The following MBOAT7 variants were observed in gnomAD, a reference collection of about 807,000 sequenced individuals.
MBOAT7 encodes membrane bound acylglycerophosphatidylinositol O-acyltransferase MBOAT7, also known as membrane-bound acylglycerophosphatidylinositol O-acyltransferase MBOAT7.
In MBOAT7, 40 loss-of-function variants were observed where a neutral mutation model predicts 47.4. The observed-to-expected ratio is 0.84, with a 90% CI of 0.66 to 1.10. The LOEUF is 1.10. Ranked by LOEUF, MBOAT7 falls within the 50% of genes least tolerant of loss-of-function variation. MBOAT7 has a pLI of 0.00. For missense variants in MBOAT7, 680 were observed against 655.6 expected, an observed-to-expected ratio of 1.04 and a Z score of -0.41; for synonymous variants, 361 against 292.0, an observed-to-expected ratio of 1.24 and a Z score of -2.41.
At position 54,181,223 on chromosome 19, in the gene MBOAT7, G is replaced by A. The variant is rs151304569; in HGVS notation, c.494-90C>T. 1.5e-5 allele frequency: 21 copies of A among 1,408,834 alleles called. No individual in the cohort carries two copies. In the African/African-American group the frequency reaches 2.3e-4, roughly 16 times the overall value. The allele number at this position is 1,408,834 out of a possible 1,614,324, so 87.3% of individuals were successfully genotyped here. On this transcript the variant is annotated intron_variant, in intron 5 of 7. Coordinates refer to ENST00000245615, the MANE Select transcript of MBOAT7 (RefSeq NM_024298.5). Reference sequence around the variant, plus strand: ...GGAGGACAGGGAGCTTGGAAGGAAGGTGGGAAGAGGGAGTGAGAGGGGCAG... The same window carrying A: ...GGAGGACAGGGAGCTTGGAAGGAAGATGGGAAGAGGGAGTGAGAGGGGCAG...
intron 3 of MBOAT7, 145 bp downstream of exon 3, chr19:54,188,071 CA>C: frequency 2.0e-6 from 1 of 512,634 alleles, no homozygotes; most frequent in Non-Finnish European, 3.1e-6. Context: ...GAAAGAAAGA[CA>C]AACAAACAAA....
At chr19:54,184,694 G>A (rs2076382443) in intron 4 of MBOAT7, among the ~76,000 whole-genome samples, 1 of 152,058 alleles carries the variant, frequency 6.6e-6, no homozygotes, top group African/African-American at 2.4e-5. Flanking sequence ...CCTGAGGTCG[G>A]GAGTTCGAGA....
chr19:54,187,073 C>T (rs560275309), intron 4 of MBOAT7, 88 bp downstream of exon 4: 14 of 1,457,896 alleles, frequency 9.6e-6, no homozygotes, highest in African/African-American at 5.6e-5. Context: ...GAGGTAAAAT[C>T]CCGGGGAGCC....
At chr19:54,185,577 C>T (rs537402589) in intron 4 of MBOAT7, among the ~76,000 whole-genome samples, 2 of 152,338 alleles carry the variant, frequency 1.3e-5, no homozygotes, top group South Asian at 4.1e-4. Context: ...CTGTATCAAG[C>T]CACCACAGTT....
chr19:54,188,592 C>A, intron 1 of MBOAT7, 81 bp from the exon 2 acceptor site: 1 of 1,398,028 alleles, frequency 7.2e-7, no homozygotes, highest in Non-Finnish European at 9.7e-7. Context: ...ATCCAGGAAC[C>A]CAGCCTTCTA....
At chr19:54,184,668 C>T (rs1007781793) in intron 4 of MBOAT7, among the ~76,000 whole-genome samples, 24 of 151,942 alleles carry the variant, frequency 1.6e-4, no homozygotes, top group African/African-American at 4.8e-4. Context: ...TTTGGGAGGC[C>T]GAGGCAGGCG....
rs767251313 is a variant in MBOAT7, at chr19:54,183,613, A to C, written c.401T>G (p.Phe134Cys). 2 of 1,607,466 alleles carry C rather than the reference A, an allele frequency of 1.2e-6. No individual in the cohort carries two copies. Among genetic ancestry groups the C allele is most frequent in the African/African-American group, 2.7e-5 (2 of 74,636 alleles). ...CAGCCCCAGGGTGGGCCCCTTGCTG[A>C]AGCCTGAGGCCATTTCCTTCCTCTG... is the stretch of plus-strand genomic sequence containing the variant. The part of the protein sequence containing the change: ...LAQRKEMASG[F>C]SKGPTLGLLP... The change falls in exon 5 of 8, where the codon TTC becomes TGC. Residue 134 changes from phenylalanine to cysteine, a missense_variant. Coordinates refer to ENST00000245615, the MANE Select transcript of MBOAT7 (RefSeq NM_024298.5).
In MBOAT7 at chr19:54,174,192, C is replaced by T. The variant is rs775218388; in HGVS notation, c.1271G>A (p.Arg424Gln). The T allele has an allele frequency of 1.9e-5, 30 of 1,599,760 alleles. No homozygotes were observed. Among genetic ancestry groups the T allele is most frequent in the East Asian group, 4.5e-5 (2 of 44,390 alleles). The change falls in exon 8 of 8, where the codon CGG becomes CAG. Residue 424 changes from arginine to glutamine, a missense_variant. Arg to Gln is a conservative substitution (Grantham distance 43). Coordinates refer to ENST00000245615, the MANE Select transcript of MBOAT7 (RefSeq NM_024298.5). Reference protein sequence around the residue: ...FVLLSLADTLRYWASIYFCIH... With the variant: ...FVLLSLADTLQYWASIYFCIH... ...ACAGAAGTAGATGGAGGCCCAGTAC[C>T]GAAGGGTGTCGGCCAAGGAGAGCAG...
Position 54,178,035 on chromosome 19 carries a change from C to T in MBOAT7, c.1031+730G>A, listed in dbSNP as rs2076161159. Among the ~76,000 whole-genome samples, 5 of 151,362 alleles carry T rather than the reference C, an allele frequency of 3.3e-5. No homozygotes were observed. The South Asian group carries it at 6.3e-4, about 19-fold the overall frequency. ...AAGCCATTCTCCTGCCTCAGCCTCC[C>T]GAGTAGCTGGGACTACAGGCGCCCA... On this transcript the variant is annotated intron_variant, in intron 7 of 7. Transcript: ENST00000245615.
At chr19:54,187,434 G>A (rs753181521) in intron 3 of MBOAT7, 147 bp from the exon 4 acceptor site, 1 of 979,566 alleles carries the variant, frequency 1.0e-6, no homozygotes, top group Non-Finnish European at 1.5e-6. Context: ...ACAGGAGGGT[G>A]GATGTAGGGA....
At chr19:54,184,996 T>C (rs1351050386) in intron 4 of MBOAT7, among the ~76,000 whole-genome samples, 1 of 151,208 alleles carries the variant, frequency 6.6e-6, no homozygotes, top group African/African-American at 2.4e-5. Context: ...GATCACTTGA[T>C]GTCAGGGGTT....
chr19:54,185,683 TTTTC>T (rs974027809), intron 4 of MBOAT7, among the ~76,000 whole-genome samples: 1 of 149,494 alleles, frequency 6.7e-6, no homozygotes, highest in African/African-American at 2.6e-5. Context: ...CCAGAACGAG[TTTTC>T]TTTCTTTTCT....
intron 4 of MBOAT7, among the ~76,000 whole-genome samples, chr19:54,185,735 G>A (rs937802965): frequency 1.3e-5 from 2 of 151,926 alleles, no homozygotes; most frequent in African/African-American, 2.4e-5. Context: ...GCCCGGGAAG[G>A]CCCAGGCTGG....
In MBOAT7 at chr19:54,183,516, C is replaced by T; in HGVS notation, c.493+5G>A. On this transcript the variant is annotated splice_donor_5th_base_variant and intron_variant, in intron 5 of 7. Coordinates refer to ENST00000245615, the MANE Select transcript of MBOAT7 (RefSeq NM_024298.5). Reference sequence around the variant, plus strand: ...CGGCAGAGTTGTTAGGGCAGCCCCACTCACCTGTCATGATTCCCACGTAGC... The same window carrying T: ...CGGCAGAGTTGTTAGGGCAGCCCCATTCACCTGTCATGATTCCCACGTAGC... The T allele has an allele frequency of 1.2e-6, 2 of 1,606,712 alleles. No individual in the cohort carries two copies. Among genetic ancestry groups the T allele is most frequent in the African/African-American group, 1.3e-5 (1 of 74,730 alleles).
intron 3 of MBOAT7, 84 bp from the exon 4 acceptor site, chr19:54,187,371 TC>T: frequency 1.4e-6 from 2 of 1,443,714 alleles, no homozygotes; most frequent in Non-Finnish European, 9.2e-7. Context: ...CCACCAATCC[TC>T]CCCCAGCTCT....
chr19:54,177,575 A>G (rs908349107), intron 7 of MBOAT7, among the ~76,000 whole-genome samples: 8 of 150,976 alleles, frequency 5.3e-5, no homozygotes, highest in Non-Finnish European at 1.5e-5. Context: ...GATTATAGGC[A>G]TGAGCCACCG....
At position 54,173,533 on chromosome 19, in the gene MBOAT7, A is replaced by G; in HGVS notation, c.*511T>C. 1 of 181,486 alleles carries G rather than the reference A, an allele frequency of 5.5e-6. No individual in the cohort carries two copies. The allele number at this position is 181,486 out of a possible 1,614,324, so 11.2% of individuals were successfully genotyped here. On this transcript the variant is annotated 3_prime_UTR_variant, in exon 8 of 8. Transcript: ENST00000245615. ...AGGTGGCTCAGATGGAAGCCATGGG[A>G]CGGCCGTCCCCAGGCCCGCGCACCC...
intron 5 of MBOAT7, among the ~76,000 whole-genome samples, chr19:54,182,000 AGGG>A (rs2076299510): frequency 1.7e-5 from 2 of 119,230 alleles, no homozygotes; most frequent in African/African-American, 3.3e-5. Flanking sequence ...GGAGGGAGGG[AGGG>A]AAGGAGGGAA....
In MBOAT7 at chr19:54,174,272, C is replaced by G. The variant is rs2076008962; in HGVS notation, c.1191G>C (p.Trp397Cys). 2 of 1,612,012 alleles carry G rather than the reference C, an allele frequency of 1.2e-6. No homozygotes were observed. The highest frequency in any genetic ancestry group is 1.6e-4 in the Middle Eastern group (1 of 6,070). The change falls in exon 8 of 8, where the codon TGG becomes TGC. Residue 397 changes from tryptophan to cysteine, a missense_variant. Transcript: ENST00000245615. ...CGCGCATCTTCAGGAACCAGTGCACCCAGTCCCAGGCCTTCTGGCCCCCTG... is the reference window on the plus strand; with the variant it reads ...CGCGCATCTTCAGGAACCAGTGCACGCAGTCCCAGGCCTTCTGGCCCCCTG... The part of the protein sequence containing the change: ...LSPGGQKAWD[W>C]VHWFLKMRAY...
Sources: gnomAD v4.1 joint callset for allele counts (sites outside exome capture counted in the v4.1 genomes callset) on GRCh38, gnomAD v4.1.1 for gene constraint, MANE v1.5 for transcripts, NCBI Gene and HGNC (gene_info 2026-07-23, HGNC 2026-07-21) for gene names.